Variants in LRMDA observed in about 807,000 individuals in gnomAD.
LRMDA encodes leucine-rich melanocyte differentiation-associated protein.
Under a neutral mutation model 29.8 loss-of-function variants are expected in LRMDA, and 18 were observed. That is an observed-to-expected ratio of 0.60 (90% CI 0.42 to 0.90). The LOEUF is 0.90. LRMDA is among the 40% of genes least tolerant of loss of function. The probability of loss-of-function intolerance (pLI) is 0.00; values close to 1 mark genes in which losing one functional copy is unlikely to be tolerated. For synonymous variants in LRMDA, 125 were observed against 109.4 expected, an observed-to-expected ratio of 1.14 and a Z score of -0.89; for missense variants, 273 against 273.9, an observed-to-expected ratio of 1.00 and a Z score of 0.02.
chr10:76,121,398 T>A (rs774352737), intron 5 of LRMDA, among the ~76,000 whole-genome samples: 5 of 152,146 alleles, frequency 3.3e-5, no homozygotes, highest in Non-Finnish European at 5.9e-5. Flanking sequence ...GAATCAGATG[T>A]TTAGAAGGAG....
In LRMDA at chr10:75,672,482, CCT is replaced by C. The variant is rs149676666; in HGVS notation, c.131+233991_131+233992del. 7.2e-3 allele frequency among the ~76,000 whole-genome samples: 990 copies of C among 137,172 alleles called. 36 individuals carry two copies. The highest frequency in any genetic ancestry group is 0.028 in the African/African-American group (932 of 33,420). 90.0% of individuals were successfully genotyped at this position (137,172 alleles called of 152,430 possible). A position where few individuals can be genotyped will look rare whatever the true frequency, so the allele number is the denominator to read the frequency against. ...GCTCCTGATATTGGGACCTCCTGTT[CCT>C]CTGTTTGCTAAGACACTTCCTTGTA... is the stretch of plus-strand genomic sequence containing the variant. On this transcript the variant is annotated intron_variant, in intron 2 of 6. Transcript: ENST00000611255.
intron 2 of LRMDA, among the ~76,000 whole-genome samples, chr10:75,587,172 A>G (rs1840666762): frequency 1.3e-5 from 2 of 152,204 alleles, no homozygotes; most frequent in South Asian, 2.1e-4. Context: ...TCCAGTATTT[A>G]TATTTCATCT....
chr10:75,612,820 AAAAAAAAACCTGGGT>A (rs1256599448), intron 2 of LRMDA, among the ~76,000 whole-genome samples: 1 of 151,266 alleles, frequency 6.6e-6, no homozygotes, highest in Non-Finnish European at 1.5e-5. Context: ...TGTAAAATGA[AAAAAAAAACCTGGGT>A]AAAATAATCT....
intron 6 of LRMDA, among the ~76,000 whole-genome samples, chr10:76,366,689 C>T (rs538617354): frequency 9.9e-5 from 15 of 152,114 alleles, no homozygotes; most frequent in Non-Finnish European, 1.9e-4. Flanking sequence ...ATGATTGTAT[C>T]GTCAGCAAAC....
At chr10:76,259,117 C>A (rs923051989) in intron 5 of LRMDA, among the ~76,000 whole-genome samples, 3 of 152,256 alleles carry the variant, frequency 2.0e-5, no homozygotes, top group Middle Eastern at 3.4e-3. Flanking sequence ...TCTATCCTCA[C>A]CAACATTTGT....
At chr10:76,523,234 C>A in intron 6 of LRMDA, among the ~76,000 whole-genome samples, 1 of 152,052 alleles carries the variant, frequency 6.6e-6, no homozygotes, top group Middle Eastern at 3.2e-3. Flanking sequence ...GTCCTCCAGC[C>A]CCGACCTGAG....
chr10:76,130,025 ATT>A (rs1180361288), intron 5 of LRMDA, among the ~76,000 whole-genome samples: 1 of 152,006 alleles, frequency 6.6e-6, no homozygotes, highest in African/African-American at 2.4e-5. Flanking sequence ...TTTCTTTTGT[ATT>A]TTGAGGAGTA....
chr10:76,385,674 G>A (rs1841650774), intron 6 of LRMDA, among the ~76,000 whole-genome samples: 1 of 152,146 alleles, frequency 6.6e-6, no homozygotes, highest in African/African-American at 2.4e-5. Context: ...TCTTCCTTCT[G>A]TTGAAGTTTT....
chr10:76,221,622 T>C (rs1226270533), intron 5 of LRMDA, among the ~76,000 whole-genome samples: 1 of 152,208 alleles, frequency 6.6e-6, no homozygotes, highest in Admixed American at 6.5e-5. Context: ...TAAAAGAGGA[T>C]ACAAACAAAT....
chr10:75,558,563 G>A (rs1184783767), intron 2 of LRMDA, among the ~76,000 whole-genome samples: 1 of 150,092 alleles, frequency 6.7e-6, no homozygotes, highest in African/African-American at 2.5e-5. Context: ...TAAGTTTTAG[G>A]GTACATGTGC....
chr10:75,653,149 G>T (rs1841620407), intron 2 of LRMDA, among the ~76,000 whole-genome samples: 1 of 152,148 alleles, frequency 6.6e-6, no homozygotes, highest in African/African-American at 2.4e-5. Flanking sequence ...TGAACTGTTG[G>T]GTTTTTCTTC....
intron 6 of LRMDA, among the ~76,000 whole-genome samples, chr10:76,450,598 C>T (rs1168259499): frequency 2.0e-5 from 3 of 152,122 alleles, no homozygotes; most frequent in Non-Finnish European, 4.4e-5. Flanking sequence ...TTGTCCTCCA[C>T]GTCTGTCATC....
intron 5 of LRMDA, among the ~76,000 whole-genome samples, chr10:76,090,310 A>G (rs775033310): frequency 6.6e-6 from 1 of 152,134 alleles, no homozygotes; most frequent in Non-Finnish European, 1.5e-5. Flanking sequence ...CACTGTGGCT[A>G]GGTTTGGGTT....
chr10:76,289,909 G>A (rs1428562839), intron 5 of LRMDA, among the ~76,000 whole-genome samples: 1 of 152,150 alleles, frequency 6.6e-6, no homozygotes, highest in Non-Finnish European at 1.5e-5. Context: ...GGAAAACAGA[G>A]GAAGTTTCAC....
intron 6 of LRMDA, among the ~76,000 whole-genome samples, chr10:76,369,440 C>T (rs1239132614): frequency 2.0e-5 from 3 of 152,106 alleles, no homozygotes; most frequent in African/African-American, 7.2e-5. Flanking sequence ...AGATAGGTCC[C>T]CAATCCCTTC....
At chr10:75,459,363 G>A (rs1421287431) in intron 2 of LRMDA, among the ~76,000 whole-genome samples, 2 of 152,118 alleles carry the variant, frequency 1.3e-5, no homozygotes, top group Non-Finnish European at 2.9e-5. Flanking sequence ...TTGAGCCCAG[G>A]AGTTTTGAAT....
At chr10:75,731,708 C>T (rs528800350) in intron 2 of LRMDA, among the ~76,000 whole-genome samples, 1 of 152,290 alleles carries the variant, frequency 6.6e-6, no homozygotes, top group South Asian at 2.1e-4. Context: ...CTGATTGACA[C>T]GTTGGTTTCT....
rs148818878 is a variant in LRMDA, at chr10:75,810,339, G to A, written c.132-225669G>A. On this transcript the variant is annotated intron_variant, in intron 2 of 6. Coordinates refer to ENST00000611255, the MANE Select transcript of LRMDA (RefSeq NM_001305581.2). Reference sequence around the variant, plus strand: ...GCAGGGCAGACTGGGTAGGTAGCAGGAGCGAAAGCAGGGCTGTTCGGAGGA... The same window carrying A: ...GCAGGGCAGACTGGGTAGGTAGCAGAAGCGAAAGCAGGGCTGTTCGGAGGA... 3.1e-3 allele frequency among the ~76,000 whole-genome samples: 477 copies of A among 152,332 alleles called. 3 individuals are homozygous for A. The highest frequency in any genetic ancestry group is 0.011 in the African/African-American group (461 of 41,576).
In LRMDA at chr10:75,618,999, G is replaced by A. The variant is rs560345813; in HGVS notation, c.131+180505G>A. ...TTTTTAGTAGAGACGGGGTTTCACCGTGTTAGCCAGGTTGGTCTTGATCTC... is the reference window on the plus strand; with the variant it reads ...TTTTTAGTAGAGACGGGGTTTCACCATGTTAGCCAGGTTGGTCTTGATCTC... On this transcript the variant is annotated intron_variant, in intron 2 of 6. Transcript: ENST00000611255. 4.6e-5 allele frequency among the ~76,000 whole-genome samples: 7 copies of A among 151,904 alleles called. No individual in the cohort carries two copies. The South Asian group carries it at 1.5e-3, about 32-fold the overall frequency.
Sources: gnomAD v4.1 joint callset for allele counts (sites outside exome capture counted in the v4.1 genomes callset) on GRCh38, gnomAD v4.1.1 for gene constraint, MANE v1.5 for transcripts, NCBI Gene and HGNC (gene_info 2026-07-23, HGNC 2026-07-21) for gene names.